The following DHX35 variants were observed in gnomAD, a reference collection of about 807,000 sequenced individuals.
DHX35 encodes the protein DEAH-box helicase 35.
Under a neutral mutation model 99.6 loss-of-function variants are expected in DHX35, and 84 were observed. That is an observed-to-expected ratio of 0.84 (90% CI 0.71 to 1.01). The LOEUF (loss-of-function observed/expected upper bound fraction) is 1.01. DHX35 is among the 50% of genes least tolerant of loss of function. The probability of loss-of-function intolerance (pLI) is 0.00; values close to 1 mark genes in which losing one functional copy is unlikely to be tolerated. For missense variants in DHX35, 852 were observed against 888.5 expected (o/e 0.96, Z 0.52); for synonymous variants, 331 against 316.2 (o/e 1.05, Z -0.50).
At position 39,025,235 on chromosome 20, in the gene DHX35, T is replaced by G; in HGVS notation, c.1677T>G (p.Asn559Lys). Residue 559 changes from asparagine (N) to lysine (K), a missense_variant, in exon 18 of 22, where the codon AAT becomes AAG. Physicochemically the swap from Asn to Lys is moderately conservative, Grantham distance 94. Coordinates refer to ENST00000252011, the MANE Select transcript of DHX35 (RefSeq NM_021931.4). ...LNIYEAFIKH[N>K]KDSKWCQEHF... ...CTCTCTGGGTTGTTCTGTAGCACAA[T>G]AAGGACTCTAAATGGTGTCAGGAAC... 1 of 1,611,942 alleles carries G rather than the reference T, an allele frequency of 6.2e-7. No homozygotes were observed. The highest frequency in any genetic ancestry group is 8.5e-7 in the Non-Finnish European group (1 of 1,178,968).
chr20:38,994,878 G>A lies in DHX35; in HGVS notation c.640G>A (p.Asp214Asn). The change falls in exon 8 of 22, where the codon GAC (aspartate) becomes AAC (asparagine). Residue 214 changes from aspartate (D) to asparagine (N), a missense_variant and splice_region_variant. Transcript: ENST00000252011. ...TGTAGCTTCAGCCACTCTGGATGCAGACGTAAGAGCCTTGCCTCCCCTTTC... is the reference window on the plus strand; with the variant it reads ...TGTAGCTTCAGCCACTCTGGATGCAAACGTAAGAGCCTTGCCTCCCCTTTC... Reference protein sequence around the residue: ...LIVASATLDADKFRDFFNQNE... With the variant: ...LIVASATLDANKFRDFFNQNE... 1 of 1,613,758 alleles carries A rather than the reference G, an allele frequency of 6.2e-7. No homozygotes were observed. Among genetic ancestry groups the A allele is most frequent in the East Asian group, 2.2e-5 (1 of 44,858 alleles).
intron 3 of DHX35, among the ~76,000 whole-genome samples, chr20:38,980,839 C>T (rs1488533574): frequency 6.6e-6 from 1 of 152,032 alleles, no homozygotes; most frequent in African/African-American, 2.4e-5. Flanking sequence ...TTTTTTAGTT[C>T]TAGGATCCTA....
At chr20:39,019,886 C>G (rs2086846159) in intron 15 of DHX35, among the ~76,000 whole-genome samples, 1 of 152,228 alleles carries the variant, frequency 6.6e-6, no homozygotes. Context: ...CATTCACCCC[C>G]TGACCCAGGG....
intron 3 of DHX35, chr20:38,977,979 A>G (rs968423902): frequency 8.9e-6 from 6 of 675,016 alleles, no homozygotes; most frequent in Non-Finnish European, 1.6e-5. Context: ...GAACGTTGCT[A>G]CCACCTCCAG....
chr20:39,006,956 G>A (rs1217669510), intron 12 of DHX35, among the ~76,000 whole-genome samples: 1 of 152,230 alleles, frequency 6.6e-6, no homozygotes, highest in Non-Finnish European at 1.5e-5. Context: ...CCTATAGACA[G>A]TGATGGACCC....
intron 11 of DHX35, 59 bp downstream of exon 11, chr20:39,003,966 C>G: frequency 6.3e-7 from 1 of 1,583,784 alleles, no homozygotes; most frequent in Non-Finnish European, 8.6e-7. Flanking sequence ...AATGATGCTC[C>G]TTTACTTGTT....
intron 11 of DHX35, 26 bp downstream of exon 11, chr20:39,003,933 T>C (rs1252223633): frequency 1.9e-6 from 3 of 1,610,082 alleles, no homozygotes; most frequent in Non-Finnish European, 2.5e-6. Context: ...TGACCAAGGG[T>C]GTTGGCAGCC....
chr20:38,982,561 CAG>C (rs1414765693), intron 3 of DHX35, among the ~76,000 whole-genome samples: 1 of 152,194 alleles, frequency 6.6e-6, no homozygotes, highest in Non-Finnish European at 1.5e-5. Flanking sequence ...CTGTGATTCT[CAG>C]AGTCAGAGCT....
chr20:38,983,627 G>C, intron 3 of DHX35, 72 bp from the exon 4 acceptor site: 1 of 1,247,720 alleles, frequency 8.0e-7, no homozygotes, highest in East Asian at 2.4e-5. Flanking sequence ...AACACAATAC[G>C]GGAGCATCTT....
intron 4 of DHX35, among the ~76,000 whole-genome samples, chr20:38,987,345 A>G (rs995171936): frequency 6.6e-6 from 1 of 152,010 alleles, no homozygotes; most frequent in Admixed American, 6.6e-5. Context: ...GGTTCAAGTG[A>G]TTCTCCTGCC....
At chr20:39,017,079 AC>A (rs1171785805) in intron 14 of DHX35, among the ~76,000 whole-genome samples, 7 of 151,870 alleles carry the variant, frequency 4.6e-5, no homozygotes, top group Non-Finnish European at 7.4e-5. Context: ...TTCTTTTGTT[AC>A]GTGTGCCCTT....
At chr20:39,003,508 A>G (rs915050601) in intron 10 of DHX35, among the ~76,000 whole-genome samples, 8 of 152,216 alleles carry the variant, frequency 5.3e-5, no homozygotes, top group Non-Finnish European at 1.5e-5. Flanking sequence ...TCTTCCATTC[A>G]TTGCAGATCA....
rs868177382 is a variant in DHX35 at position 38,991,307 on chromosome 20, C to T, written c.451-147C>T. ...TGTGAACAATTACATTGCTTGATAACGAAAATATGGGGGCATTTTCTCACA... is the reference window on the plus strand; with the variant it reads ...TGTGAACAATTACATTGCTTGATAATGAAAATATGGGGGCATTTTCTCACA... On this transcript the variant is annotated intron_variant, in intron 5 of 21. Coordinates refer to ENST00000252011, the MANE Select transcript of DHX35 (RefSeq NM_021931.4). 2.2e-5 allele frequency: 14 copies of T among 632,492 alleles called. No homozygotes were observed. The Middle Eastern group carries it at 1.8e-3, about 81-fold the overall frequency. 39.2% of individuals were successfully genotyped at this position (632,492 alleles called of 1,614,324 possible). A position where few individuals can be genotyped will look rare whatever the true frequency, so the allele number is the denominator to read the frequency against.
chr20:39,038,000 C>T (rs893618360), intron 21 of DHX35, among the ~76,000 whole-genome samples: 1 of 152,148 alleles, frequency 6.6e-6, no homozygotes, highest in East Asian at 1.9e-4. Flanking sequence ...GGGCAGAGGC[C>T]ATATCTTTAT....
chr20:38,996,245 T>C (rs1032424765), intron 8 of DHX35, among the ~76,000 whole-genome samples: 9 of 152,372 alleles, frequency 5.9e-5, no homozygotes, highest in Admixed American at 5.9e-4. Flanking sequence ...TTTAACATTA[T>C]ATGCATTGTT....
intron 16 of DHX35, among the ~76,000 whole-genome samples, chr20:39,022,992 A>G (rs1189883234): frequency 6.6e-6 from 1 of 152,038 alleles, no homozygotes; most frequent in Admixed American, 6.6e-5. Flanking sequence ...GATTGTTGGG[A>G]TCCTCCTTGT....
intron 21 of DHX35, 97 bp downstream of exon 21, chr20:39,034,414 T>A: frequency 9.8e-7 from 1 of 1,016,970 alleles, no homozygotes; most frequent in Non-Finnish European, 1.5e-6. Context: ...CCTATGTGTG[T>A]TCCCCCTAGG....
At chr20:39,020,156 G>A (rs534808651) in intron 15 of DHX35, among the ~76,000 whole-genome samples, 2 of 152,190 alleles carry the variant, frequency 1.3e-5, no homozygotes, top group Non-Finnish European at 2.9e-5. Flanking sequence ...CCAGTGAATG[G>A]ACACTTGGAT....
At position 39,028,359 on chromosome 20, in the gene DHX35, C is replaced by A. The variant is rs1252602000; in HGVS notation, c.1802-59C>A. On this transcript the variant is annotated intron_variant, in intron 18 of 21. Coordinates refer to ENST00000252011, the MANE Select transcript of DHX35 (RefSeq NM_021931.4). The stretch of plus-strand genomic sequence containing the variant: ...TGGGAGTGGATCCTGTGCATTAGAG[C>A]ACACGGAGCCTAGGGCAGGCAAGGG... The A allele has an allele frequency of 3.2e-6, 5 of 1,540,156 alleles. No homozygotes were observed. In the Admixed American group the frequency reaches 5.0e-5, roughly 15 times the overall value.
Sources: allele counts gnomAD v4.1 joint callset (sites outside exome capture counted in the v4.1 genomes callset), GRCh38; gene constraint gnomAD v4.1.1; transcripts MANE v1.5; gene names NCBI Gene and HGNC (gene_info 2026-07-23, HGNC 2026-07-21).